MN1: variants seen among roughly 807,000 people sequenced by gnomAD.
MN1 encodes the protein MN1 proto-oncogene, transcriptional regulator.
A neutral mutation model predicts 86.9 loss-of-function variants in MN1; 19 were observed. That is an observed-to-expected ratio of 0.22 (90% CI 0.15 to 0.32). The LOEUF (loss-of-function observed/expected upper bound fraction) is 0.32, where lower values mean the gene tolerates loss of function less well. Ranked by LOEUF, MN1 falls within the 10% of genes least tolerant of loss-of-function variation. MN1 has a pLI of 1.00. For missense variants in MN1, 1,841 were observed against 1,862.0 expected (o/e 0.99, Z 0.21); for synonymous variants, 928 against 849.6 (o/e 1.09, Z -1.60).
chr22:27,754,413 G>A (rs1655910817), intron 1 of MN1, among the ~76,000 whole-genome samples: 1 of 152,158 alleles, frequency 6.6e-6, no homozygotes, highest in Non-Finnish European at 1.5e-5. Flanking sequence ...ACCCCAGCAG[G>A]GCCACCCTGG....
chr22:27,773,536 A>C (rs1601330937), intron 1 of MN1, among the ~76,000 whole-genome samples: 2 of 152,306 alleles, frequency 1.3e-5, no homozygotes, highest in East Asian at 3.9e-4. Context: ...CCGCCTCCCT[A>C]TGCCCATTTC....
At chr22:27,783,859 A>C (rs1381902821) in intron 1 of MN1, among the ~76,000 whole-genome samples, 1 of 152,206 alleles carries the variant, frequency 6.6e-6, no homozygotes, top group Non-Finnish European at 1.5e-5. Context: ...GCGAGTCCGA[A>C]TATCTCCACG....
At position 27,798,927 on chromosome 22, in the gene MN1, C is replaced by T. The variant is rs1230170368; in HGVS notation, c.1617G>A (p.Gln539=). 17 of 1,522,136 alleles carry T rather than the reference C, an allele frequency of 1.1e-5. 1 individual carries two copies. The highest frequency in any genetic ancestry group is 1.4e-5 in the Non-Finnish European group (16 of 1,126,182). The allele number at this position is 1,522,136 out of a possible 1,614,324, so 94.3% of individuals were successfully genotyped here. ...GCTGCTGCTGTTGCTGTTGCTGTTG[C>T]TGCTGCTGCTGCTGCTGTTGCTGCT... ...QQQQQQQQQQ[Q]QQQQQQQQQQ... Residue 539 remains glutamine, a synonymous_variant, in exon 1 of 2, where the codon CAG becomes CAA. Coordinates refer to ENST00000302326, the MANE Select transcript of MN1 (RefSeq NM_002430.3).
intron 1 of MN1, among the ~76,000 whole-genome samples, chr22:27,777,896 A>C (rs1933000634): frequency 6.6e-6 from 1 of 152,002 alleles, no homozygotes; most frequent in South Asian, 2.1e-4. Context: ...AAAAGAAAGA[A>C]AGAAAAGAAA....
Position 27,798,369 on chromosome 22 carries a change from A to G in MN1, c.2175T>C (p.Ala725=). The G allele has an allele frequency of 2.7e-6, 4 of 1,501,942 alleles. No homozygotes were observed. The highest frequency in any genetic ancestry group is 2.5e-5 in the South Asian group (2 of 79,342). The allele number at this position is 1,501,942 out of a possible 1,614,324, so 93.0% of individuals were successfully genotyped here. The change falls in exon 1 of 2, where the codon GCT becomes GCC. Residue 725 remains alanine (A), a synonymous_variant. Transcript: ENST00000302326. ...CCGGCGGCGGGGGCCGGCGCTCCGA[A>G]GCAGCGCTGGGGAGCCCCACGCCCG... ...PGAGVGLPSA[A]SERRPPPPDF...
rs536903439 is a variant in MN1, at chr22:27,797,795, T to C, written c.2749A>G (p.Ser917Gly). 1 of 1,599,808 alleles carries C rather than the reference T, an allele frequency of 6.3e-7. No individual in the cohort carries two copies. The highest frequency in any genetic ancestry group is 2.2e-5 in the East Asian group (1 of 44,756). Residue 917 changes from serine (S) to glycine (G), a missense_variant, in exon 1 of 2, where the codon AGC becomes GGC. By Grantham distance (56) the Ser-to-Gly change is moderately conservative. Coordinates refer to ENST00000302326, the MANE Select transcript of MN1 (RefSeq NM_002430.3). ...TCCAGGGTGTAGTTGGGGGAGAGGC[T>C]GGTGCCGTCCCCCTGGGCTGGAGGG... Reference protein sequence around the residue: ...PNPPAQGDGTSLSPNYTLEST... With the variant: ...PNPPAQGDGTGLSPNYTLEST...
rs1409939953 is a variant in MN1 at position 27,799,430 on chromosome 22, T to G, written c.1114A>C (p.Asn372His). 6.8e-7 allele frequency: 1 copy of G among 1,472,876 alleles called. No individual in the cohort carries two copies. The highest frequency in any genetic ancestry group is 2.7e-5 in the Admixed American group (1 of 37,570). 91.2% of individuals were successfully genotyped at this position (1,472,876 alleles called of 1,614,324 possible). A position where few individuals can be genotyped will look rare whatever the true frequency, so the allele number is the denominator to read the frequency against. The change falls in exon 1 of 2, where the codon AAT becomes CAT. Residue 372 changes from asparagine to histidine, a missense_variant. Physicochemically the swap from Asn to His is moderately conservative, Grantham distance 68 (BLOSUM62 1). Coordinates refer to ENST00000302326, the MANE Select transcript of MN1 (RefSeq NM_002430.3). ...PPPPGLLVRQ[N>H]SCPPALPRPQ... ...CGAGGGAGCGCAGGCGGGCACGAAT[T>G]TTGTCGGACTAGAAGCCCGGGTGGC... is the stretch of plus-strand genomic sequence containing the variant.
Position 27,762,865 on chromosome 22 carries a change from G to A in MN1, c.3782-11769C>T, listed in dbSNP as rs118068350. Among the ~76,000 whole-genome samples the A allele has an allele frequency of 3.3e-3, 497 of 151,796 alleles. 20 individuals carry two copies. The East Asian group carries it at 0.081, about 25-fold the overall frequency. ...TGTAATTCCAACACTTTGGGAAGCC[G>A]AGGCAGGAGGATTGCTTGAGCCCAG... On this transcript the variant is annotated intron_variant, in intron 1 of 1. Coordinates refer to ENST00000302326, the MANE Select transcript of MN1 (RefSeq NM_002430.3).
At chr22:27,759,812 G>A (rs1932822808) in intron 1 of MN1, among the ~76,000 whole-genome samples, 2 of 152,156 alleles carry the variant, frequency 1.3e-5, no homozygotes, top group Admixed American at 6.6e-5. Flanking sequence ...TGTGATCCTG[G>A]GCAAGTCACT....
intron 1 of MN1, among the ~76,000 whole-genome samples, chr22:27,790,469 G>A (rs1933195804): frequency 6.6e-6 from 1 of 152,166 alleles, no homozygotes; most frequent in African/African-American, 2.4e-5. Flanking sequence ...TTTGAGGCCT[G>A]TTCACAGTTT....
rs1933189338 is a variant in MN1 at position 27,790,033 on chromosome 22, C to A, written c.3781+6730G>T. The stretch of plus-strand genomic sequence containing the variant: ...CTTGGATTTCAAGACTGGGAGAAAC[C>A]CGTGGCCATTTCTCCCCTCTGTGCC... On this transcript the variant is annotated intron_variant, in intron 1 of 1. Coordinates refer to ENST00000302326, the MANE Select transcript of MN1 (RefSeq NM_002430.3). Among the ~76,000 whole-genome samples, 5 of 152,312 alleles carry A rather than the reference C, an allele frequency of 3.3e-5. 1 individual carries two copies. The South Asian group carries it at 1.0e-3, about 32-fold the overall frequency.
Position 27,800,358 on chromosome 22 carries a change from G to T in MN1, c.186C>A (p.Gly62=), listed in dbSNP as rs1933410895. 1.9e-6 allele frequency: 3 copies of T among 1,607,300 alleles called. No individual in the cohort carries two copies. The African/African-American group carries it at 4.0e-5, about 21-fold the overall frequency. Residue 62 remains glycine, a synonymous_variant, in exon 1 of 2, where the codon GGC becomes GGA. Transcript: ENST00000302326. ...GGAAGCCGTAGGGCTCCATGTTCAT[G>T]CCCAAGATCGGGGGTTCGCCCAGCG... ...MSALGEPPIL[G]MNMEPYGFHA...
rs747928351 is a variant in MN1 at position 27,797,259 on chromosome 22, T to C, written c.3285A>G (p.Gly1095=). Residue 1095 remains glycine, a synonymous_variant, in exon 1 of 2, where the codon GGA becomes GGG. Transcript: ENST00000302326. ...CGAGGGCGGGCGGGGGCGCCTTCGG[T>C]CCGTGTTCCCCGGCGCCTACCCCAC... ...PPRGVGAGEH[G]PKAPPPALGL... The C allele has an allele frequency of 1.9e-6, 3 of 1,584,404 alleles. No homozygotes were observed. Among genetic ancestry groups the C allele is most frequent in the Non-Finnish European group, 2.6e-6 (3 of 1,172,254 alleles).
At chr22:27,758,345 T>C (rs1039596247) in intron 1 of MN1, among the ~76,000 whole-genome samples, 9 of 152,218 alleles carry the variant, frequency 5.9e-5, no homozygotes, top group African/African-American at 2.2e-4. Context: ...CCTGCCATCC[T>C]ACCTGGCTGT....
chr22:27,766,113 G>A (rs933207993), intron 1 of MN1, among the ~76,000 whole-genome samples: 22 of 152,220 alleles, frequency 1.4e-4, no homozygotes, highest in African/African-American at 4.8e-4. Flanking sequence ...GACGCTGGCT[G>A]TGTGATTTCA....
Position 27,797,137 on chromosome 22 carries a change from C to T in MN1, c.3407G>A (p.Arg1136His). 1 of 1,574,644 alleles carries T rather than the reference C, an allele frequency of 6.4e-7. No homozygotes were observed. The highest frequency in any genetic ancestry group is 8.6e-7 in the Non-Finnish European group (1 of 1,162,514). ...GGCGCCGCTGCTGCTCGTCGGGGTG[C>T]GGACCTGCTCCAGGCCCGGAGTGCC... Reference protein sequence around the residue: ...HPGTPGLEQVRTPTSSSGAPP... With the variant: ...HPGTPGLEQVHTPTSSSGAPP... Residue 1136 changes from arginine (R) to histidine (H), a missense_variant, in exon 1 of 2, where the codon CGC (arginine) becomes CAC (histidine). Arg to His is a conservative substitution (Grantham distance 29). Coordinates refer to ENST00000302326, the MANE Select transcript of MN1 (RefSeq NM_002430.3).
At position 27,748,978 on chromosome 22, in the gene MN1, G is replaced by A. The variant is rs1932730560; in HGVS notation, c.*1937C>T. ...GGTCAACTCTCCCACAGCCCATGGT[G>A]GGGGGAAATTCCCTTCCCTTTCCAT... On this transcript the variant is annotated 3_prime_UTR_variant, in exon 2 of 2. Transcript: ENST00000302326. 1 of 230,940 alleles carries A rather than the reference G, an allele frequency of 4.3e-6. No individual in the cohort carries two copies. The highest frequency in any genetic ancestry group is 2.2e-5 in the African/African-American group (1 of 45,212). 14.3% of individuals were successfully genotyped at this position (230,940 alleles called of 1,614,324 possible).
rs916877217 is a variant in MN1, at chr22:27,748,371, A to T, written c.*2544T>A. The T allele has an allele frequency of 5.5e-6, 1 of 180,574 alleles. No individual in the cohort carries two copies. Among genetic ancestry groups the T allele is most frequent in the South Asian group, 2.0e-4 (1 of 4,990 alleles). 11.2% of individuals were successfully genotyped at this position (180,574 alleles called of 1,614,324 possible). The stretch of plus-strand genomic sequence containing the variant: ...AGGAATACAGAAGACTGCACTTTAC[A>T]TATTTTTTTAAAAAAGAAAGAAAAA... On this transcript the variant is annotated 3_prime_UTR_variant, in exon 2 of 2. Coordinates refer to ENST00000302326, the MANE Select transcript of MN1 (RefSeq NM_002430.3).
chr22:27,777,893 AG>A (rs1933000559), intron 1 of MN1, among the ~76,000 whole-genome samples: 1 of 151,930 alleles, frequency 6.6e-6, no homozygotes, highest in Non-Finnish European at 1.5e-5. Flanking sequence ...AAAAAAAGAA[AG>A]AAAGAAAAGA....
Sources: gnomAD v4.1 joint callset for allele counts (sites outside exome capture counted in the v4.1 genomes callset) on GRCh38, gnomAD v4.1.1 for gene constraint, MANE v1.5 for transcripts, NCBI Gene and HGNC (gene_info 2026-07-23, HGNC 2026-07-21) for gene names.